Variants in SFMBT2 observed in about 807,000 individuals in gnomAD.
SFMBT2 encodes Scm like with four mbt domains 2, also known as scm-like with four MBT domains protein 2.
Under a neutral mutation model 110.1 loss-of-function variants are expected in SFMBT2, and 38 were observed. The observed-to-expected ratio is 0.35, with a 90% CI of 0.27 to 0.45. SFMBT2 has a LOEUF of 0.45. Ranked by LOEUF, SFMBT2 falls within the 20% of genes least tolerant of loss-of-function variation. The probability of loss-of-function intolerance (pLI) is 1.00; values close to 1 mark genes in which losing one functional copy is unlikely to be tolerated. For missense variants in SFMBT2, 1,011 were observed against 1,094.9 expected (o/e 0.92, Z 1.08); for synonymous variants, 425 against 425.4 (o/e 1.00, Z 0.01).
chr10:7,367,654 G>A lies in SFMBT2; in HGVS notation c.431C>T (p.Pro144Leu), dbSNP rs774566967. Residue 144 changes from proline to leucine, a missense_variant, in exon 4 of 21, where the codon CCG becomes CTG. By Grantham distance (98) the Pro-to-Leu change is moderately conservative. This residue lies in a region of SFMBT2 where 979 missense variants were observed against 1,016.1 expected (regional missense o/e 0.96). Transcript: ENST00000397167. The surrounding 1 kb of genome is among the most constrained non-coding windows in gnomAD (Gnocchi z 6.2). ...CCTTTGAAACAGGGGCTCACCGTCC[G>A]GCGGCATCAACACCTTGTTGTTCTG... ...CTQNNKVLMP[P>L]DAIKEKYTDW... 3 of 1,608,474 alleles carry A rather than the reference G, an allele frequency of 1.9e-6. No homozygotes were observed. The highest frequency in any genetic ancestry group is 2.2e-5 in the East Asian group (1 of 44,774).
Position 7,163,922 on chromosome 10 carries a change from G to T in SFMBT2, c.2545-12C>A. 6.2e-7 allele frequency: 1 copy of T among 1,611,100 alleles called. No homozygotes were observed. Among genetic ancestry groups the T allele is most frequent in the Admixed American group, 1.7e-5 (1 of 59,602 alleles). On this transcript the variant is annotated splice_polypyrimidine_tract_variant and intron_variant, in intron 20 of 20. Coordinates refer to ENST00000397167, the MANE Select transcript of SFMBT2 (RefSeq NM_001387889.1). The surrounding 1 kb of genome is among the most constrained non-coding windows in gnomAD (Gnocchi z 4.8). ...TGGCCGTCAATATCCTGCAGGAAAAGAAAGGCAGGTTAGAGAAGGGGCAGT... is the reference window on the plus strand; with the variant it reads ...TGGCCGTCAATATCCTGCAGGAAAATAAAGGCAGGTTAGAGAAGGGGCAGT...
At chr10:7,228,730 T>C (rs1840000072) in intron 9 of SFMBT2, among the ~76,000 whole-genome samples, 3 of 85,452 alleles carry the variant, frequency 3.5e-5, no homozygotes, top group Non-Finnish European at 2.2e-5. Context: ...TTTCTTTCTT[T>C]CTTTCCTTTC....
chr10:7,237,341 TA>T (rs1226133000), intron 9 of SFMBT2, among the ~76,000 whole-genome samples: 1 of 152,160 alleles, frequency 6.6e-6, no homozygotes, highest in African/African-American at 2.4e-5. Context: ...GCAAAATGAA[TA>T]AACAATCTAC....
chr10:7,331,867 G>A (rs1037326105), intron 4 of SFMBT2, among the ~76,000 whole-genome samples: 7 of 151,900 alleles, frequency 4.6e-5, no homozygotes, highest in South Asian at 4.2e-4. Context: ...AAAATTAGCC[G>A]GGCGTGGTGG....
intron 4 of SFMBT2, among the ~76,000 whole-genome samples, chr10:7,287,084 T>TTG (rs1389653221): frequency 9.0e-5 from 13 of 143,860 alleles, no homozygotes; most frequent in African/African-American, 3.1e-4. Flanking sequence ...CATCTTTTTT[T>TTG]TTTTTTTTTT....
In SFMBT2 at chr10:7,237,763, C is replaced by T. The variant is rs549105851; in HGVS notation, c.1120+5795G>A. Among the ~76,000 whole-genome samples the T allele has an allele frequency of 2.0e-5, 3 of 152,108 alleles. No homozygotes were observed. The South Asian group carries it at 6.2e-4, about 32-fold the overall frequency. ...AATGAAAAACAAGACAAACAAGGGA[C>T]GTATATATGACTTATTTGTGTATTA... On this transcript the variant is annotated intron_variant, in intron 9 of 20. Coordinates refer to ENST00000397167, the MANE Select transcript of SFMBT2 (RefSeq NM_001387889.1).
At chr10:7,284,826 G>T (rs751611726) in intron 5 of SFMBT2, 5 of 157,454 alleles carry the variant, frequency 3.2e-5, no homozygotes, top group Admixed American at 6.5e-5. Context: ...ATATGAAAAG[G>T]GTGTTTGTTC....
At chr10:7,252,089 C>G (rs1840829884) in intron 7 of SFMBT2, among the ~76,000 whole-genome samples, 1 of 152,234 alleles carries the variant, frequency 6.6e-6, no homozygotes, top group Non-Finnish European at 1.5e-5. Flanking sequence ...TAACCCTAAG[C>G]CCTTTCTACA....
intron 10 of SFMBT2, among the ~76,000 whole-genome samples, chr10:7,223,509 G>A (rs1181138774): frequency 6.6e-6 from 1 of 152,024 alleles, no homozygotes; most frequent in East Asian, 1.9e-4. Flanking sequence ...CAGATCCTGA[G>A]ATTCCATTTG....
chr10:7,380,977 A>G (rs888485914), intron 2 of SFMBT2, among the ~76,000 whole-genome samples: 2 of 152,106 alleles, frequency 1.3e-5, no homozygotes, highest in Non-Finnish European at 2.9e-5. Context: ...TGGGCCCAAG[A>G]GGTCAAGGCT....
rs576435374 is a variant in SFMBT2 at position 7,205,794 on chromosome 10, C to G, written c.1444+21G>C. On this transcript the variant is annotated intron_variant, in intron 12 of 20. Transcript: ENST00000397167. ...AAGATCACTGGTGTCATCCACCCCC[C>G]CTCAACTGGGAACCACTTACAGACT... The G allele has an allele frequency of 2.4e-5, 39 of 1,610,206 alleles. No homozygotes were observed. In the South Asian group the frequency reaches 3.5e-4, roughly 15 times the overall value.
At chr10:7,352,544 C>G (rs138682642) in intron 4 of SFMBT2, among the ~76,000 whole-genome samples, 4 of 152,232 alleles carry the variant, frequency 2.6e-5, no homozygotes, top group Non-Finnish European at 5.9e-5. Flanking sequence ...TAGACAGACA[C>G]ATTTTTAAAC....
At chr10:7,319,704 G>A (rs1292742585) in intron 4 of SFMBT2, among the ~76,000 whole-genome samples, 4 of 151,772 alleles carry the variant, frequency 2.6e-5, no homozygotes. Context: ...CTGAGAGACA[G>A]AGATAGACTG....
At chr10:7,164,004 C>T in intron 20 of SFMBT2, 94 bp from the exon 21 acceptor site, 1 of 1,469,834 alleles carries the variant, frequency 6.8e-7, no homozygotes, top group Non-Finnish European at 9.0e-7. Flanking sequence ...CCAAACATGA[C>T]AACAGGATGC....
chr10:7,279,431 T>C (rs1034177564), intron 6 of SFMBT2, among the ~76,000 whole-genome samples: 4 of 152,228 alleles, frequency 2.6e-5, no homozygotes, highest in African/African-American at 9.7e-5. Context: ...CAAGGCAGAC[T>C]TCTTTCATGA....
intron 9 of SFMBT2, among the ~76,000 whole-genome samples, chr10:7,228,672 CTTCTTTCTTTCTTTCTTTCTTTCTTTCT>C (rs60421208): frequency 3.1e-4 from 26 of 85,062 alleles, no homozygotes; most frequent in African/African-American, 1.2e-3. Context: ...ACTAAAGTGG[CTTCTTTCTTTCTTTCTTTCTTTCTTTCT>C]TTCTTTCTTT....
intron 4 of SFMBT2, among the ~76,000 whole-genome samples, chr10:7,365,232 A>G (rs1285084022): frequency 6.6e-6 from 1 of 152,234 alleles, no homozygotes; most frequent in Non-Finnish European, 1.5e-5. Context: ...ACCTGAATAG[A>G]GAGGCTGGAA....
intron 4 of SFMBT2, among the ~76,000 whole-genome samples, chr10:7,294,489 C>T (rs1842349236): frequency 6.6e-6 from 1 of 152,168 alleles, no homozygotes; most frequent in South Asian, 2.1e-4. Flanking sequence ...ACAAATATTT[C>T]AAGAAGGAAG....
chr10:7,277,308 C>A, intron 6 of SFMBT2: 1 of 188,330 alleles, frequency 5.3e-6, no homozygotes, highest in Non-Finnish European at 9.9e-6. Context: ...TTCAGTCATC[C>A]ATGGGCCAAA....
Sources: gnomAD v4.1 joint callset for allele counts (sites outside exome capture counted in the v4.1 genomes callset) on GRCh38, gnomAD v4.1.1 for gene constraint, gnomAD v4.1.1 regional missense constraint, Gnocchi (gnomAD v3.1) non-coding constraint, MANE v1.5 for transcripts, NCBI Gene and HGNC (gene_info 2026-07-23, HGNC 2026-07-21) for gene names.